The following B4GALT6 variants were observed in gnomAD, a reference collection of about 807,000 sequenced individuals.
The protein encoded by B4GALT6 is UDP-Gal:beta-GlcNAc beta-1,4-galactosyltransferase 6.
In B4GALT6, 14 loss-of-function variants were observed where a neutral mutation model predicts 46.3. That is an observed-to-expected ratio of 0.30 (90% CI 0.20 to 0.47). The LOEUF is 0.47. Ranked by LOEUF, B4GALT6 falls within the 20% of genes least tolerant of loss-of-function variation. The pLI is 0.99. For synonymous variants in B4GALT6, 168 were observed against 162.0 expected (o/e 1.04, Z -0.28); for missense variants, 386 against 480.1 (o/e 0.80, Z 1.83).
the B4GALT6 span, among the ~76,000 whole-genome samples, chr18:31,716,502 G>C: frequency 2.4e-3 from 371 of 152,298 alleles, 2 homozygotes; most frequent in African/African-American, 8.6e-3. Context: ...AGTAAGCTCT[G>C]TGCCTCATCT....
rs139096016 is a variant in B4GALT6, at chr18:31,684,369, A to T, written c.58T>A (p.Phe20Ile). ...CAGGACGAAGAGAGGGAGAAGAAGA[A>T]GATGAAGGCGAGGAGAGAGCGATTG... ...VSNRSLLAFI[F>I]FFSLSSSCLY... The change falls in exon 1 of 9, where the codon TTC (phenylalanine) becomes ATC (isoleucine). Residue 20 changes from phenylalanine (F) to isoleucine (I), a missense_variant. This residue lies in a region of B4GALT6 where 63 missense variants were observed against 41.3 expected (regional missense o/e 1.53). Transcript: ENST00000306851. The T allele has an allele frequency of 4.8e-5, 78 of 1,613,766 alleles. No homozygotes were observed. The highest frequency in any genetic ancestry group is 1.6e-4 in the Middle Eastern group (1 of 6,084).
chr18:31,646,330 A>G (rs1317784428), intron 3 of B4GALT6, among the ~76,000 whole-genome samples: 1 of 152,238 alleles, frequency 6.6e-6, no homozygotes, highest in Non-Finnish European at 1.5e-5. Context: ...ACAGGAATGA[A>G]TCTTGAATGG....
chr18:31,669,002 T>A (rs1477882883), intron 1 of B4GALT6, among the ~76,000 whole-genome samples: 2 of 147,804 alleles, frequency 1.4e-5, no homozygotes, highest in African/African-American at 2.5e-5. Context: ...GGTGACAGAG[T>A]GAGACCCTGT....
upstream of B4GALT6, among the ~76,000 whole-genome samples, chr18:31,688,427 A>C (rs1462084692): frequency 6.6e-6 from 1 of 151,784 alleles, no homozygotes; most frequent in Non-Finnish European, 1.5e-5. Flanking sequence ...CTTACATTTC[A>C]GAACAAATAT....
chr18:31,722,911 G>T, the B4GALT6 span, among the ~76,000 whole-genome samples: 15 of 152,066 alleles, frequency 9.9e-5, no homozygotes, highest in Non-Finnish European at 2.2e-4. Flanking sequence ...AAAGGAAGTT[G>T]GGAATGATTA....
the B4GALT6 span, among the ~76,000 whole-genome samples, chr18:31,694,437 GA>G: frequency 6.6e-6 from 1 of 152,178 alleles, no homozygotes; most frequent in African/African-American, 2.4e-5. Flanking sequence ...AAGCAAGACT[GA>G]ATATCTTTAA....
intron 3 of B4GALT6, among the ~76,000 whole-genome samples, chr18:31,652,768 T>C (rs1321687518): frequency 1.3e-5 from 2 of 152,110 alleles, no homozygotes; most frequent in African/African-American, 4.8e-5. Context: ...ACCCTGTAGG[T>C]TCTTTTTTGT....
intron 1 of B4GALT6, among the ~76,000 whole-genome samples, chr18:31,669,068 T>C (rs2074318092): frequency 6.6e-6 from 1 of 151,842 alleles, no homozygotes; most frequent in Admixed American, 6.6e-5. Context: ...TTCCTCTCTG[T>C]CCATGTATCA....
In B4GALT6 at chr18:31,684,283, G is replaced by A. The variant is rs774329380; in HGVS notation, c.115+29C>T. Reference sequence around the variant, plus strand: ...CCTGCGCTGGCTGTGGTGTGACCAGGGGAAGCGAGGGTGTGTCTCGGTGCT... The same window carrying A: ...CCTGCGCTGGCTGTGGTGTGACCAGAGGAAGCGAGGGTGTGTCTCGGTGCT... On this transcript the variant is annotated intron_variant, in intron 1 of 8. Coordinates refer to ENST00000306851, the MANE Select transcript of B4GALT6 (RefSeq NM_004775.5). 5 of 1,612,314 alleles carry A rather than the reference G, an allele frequency of 3.1e-6. No individual in the cohort carries two copies. The African/African-American group carries it at 5.3e-5, about 17-fold the overall frequency.
intron 3 of B4GALT6, among the ~76,000 whole-genome samples, chr18:31,653,435 C>CTTTTTTTTTT (rs5823819): frequency 4.0e-5 from 3 of 74,160 alleles, no homozygotes; most frequent in African/African-American, 5.4e-5. Flanking sequence ...AACCTTTTTT[C>CTTTTTTTTTT]TTTTTTTTTT....
chr18:31,663,782 C>A (rs886094498), intron 2 of B4GALT6, among the ~76,000 whole-genome samples: 1 of 152,208 alleles, frequency 6.6e-6, no homozygotes, highest in Non-Finnish European at 1.5e-5. Context: ...TTCCATCTCT[C>A]CCAGAGGCCT....
chr18:31,701,275 A>G, the B4GALT6 span, among the ~76,000 whole-genome samples: 4 of 152,134 alleles, frequency 2.6e-5, no homozygotes, highest in Non-Finnish European at 4.4e-5. Flanking sequence ...TAAAGTGTGT[A>G]GCACCTCCCT....
At chr18:31,679,072 T>C (rs1271367300) in intron 1 of B4GALT6, among the ~76,000 whole-genome samples, 1 of 152,176 alleles carries the variant, frequency 6.6e-6, no homozygotes, top group African/African-American at 2.4e-5. Flanking sequence ...ACTACAAACC[T>C]AGGTGAGAAG....
chr18:31,676,300 C>T (rs1435691888), intron 1 of B4GALT6, among the ~76,000 whole-genome samples: 1 of 152,078 alleles, frequency 6.6e-6, no homozygotes, highest in African/African-American at 2.4e-5. Flanking sequence ...TAGTAACAAA[C>T]TTCATATAGC....
intron 4 of B4GALT6, among the ~76,000 whole-genome samples, chr18:31,641,301 G>A (rs778938127): frequency 2.0e-5 from 3 of 152,112 alleles, no homozygotes; most frequent in South Asian, 2.1e-4. Flanking sequence ...AAACTGAGAC[G>A]GTAATAAAAG....
intron 3 of B4GALT6, among the ~76,000 whole-genome samples, chr18:31,647,447 T>C (rs570520885): frequency 2.0e-5 from 3 of 152,254 alleles, no homozygotes; most frequent in South Asian, 2.1e-4. Flanking sequence ...TATCCTAAGT[T>C]CACACTCCTC....
the B4GALT6 span, among the ~76,000 whole-genome samples, chr18:31,722,159 CAA>C: frequency 6.6e-6 from 1 of 151,118 alleles, no homozygotes; most frequent in Non-Finnish European, 1.5e-5. Flanking sequence ...CAACCATAAA[CAA>C]AAAAAAGCTT....
chr18:31,724,293 G>A, the B4GALT6 span: 2 of 445,478 alleles, frequency 4.5e-6, no homozygotes, highest in South Asian at 2.6e-5. Context: ...GGCCCCACGG[G>A]CCCCTCCTCA....
the B4GALT6 span, among the ~76,000 whole-genome samples, chr18:31,720,488 T>G: frequency 6.6e-5 from 10 of 152,206 alleles, no homozygotes; most frequent in Non-Finnish European, 1.0e-4. Context: ...AAGGTACAAC[T>G]AATCAGTAGC....
Sources: gnomAD v4.1 joint callset for allele counts (sites outside exome capture counted in the v4.1 genomes callset) on GRCh38, gnomAD v4.1.1 for gene constraint, gnomAD v4.1.1 regional missense constraint, MANE v1.5 for transcripts, NCBI Gene and HGNC (gene_info 2026-07-23, HGNC 2026-07-21) for gene names.